Variants in LRRC15 observed in about 807,000 individuals in gnomAD.
The protein encoded by LRRC15 is leucine-rich repeat-containing protein 15.
In LRRC15, 5 loss-of-function variants were observed where a neutral mutation model predicts 4.3. The observed-to-expected ratio is 1.16, with a 90% CI of 0.61 to 2.44. The LOEUF (loss-of-function observed/expected upper bound fraction) is 2.44. Ranked by LOEUF, LRRC15 falls within the 30% of genes most tolerant of loss-of-function variation. The probability of loss-of-function intolerance (pLI) is 0.01; values close to 1 mark genes in which losing one functional copy is unlikely to be tolerated. For synonymous variants in LRRC15, 337 were observed against 323.2 expected (o/e 1.04, Z -0.46); for missense variants, 769 against 747.0 (o/e 1.03, Z -0.34).
chr3:194,359,199 T>C lies in LRRC15; in HGVS notation c.*99A>G. 1 of 1,150,452 alleles carries C rather than the reference T, an allele frequency of 8.7e-7. No homozygotes were observed. The highest frequency in any genetic ancestry group is 1.2e-6 in the Non-Finnish European group (1 of 816,612). The allele number at this position is 1,150,452 out of a possible 1,614,324, so 71.3% of individuals were successfully genotyped here. ...CTTTCTCTGGGGCCAGAAAGAGCAA[T>C]CACGGGAAAGCTCCATGGACCCAGG... On this transcript the variant is annotated 3_prime_UTR_variant, in exon 2 of 2. Coordinates refer to ENST00000347624, the MANE Select transcript of LRRC15 (RefSeq NM_130830.5).
At chr3:194,366,892 A>G (rs2108660448) in intron 1 of LRRC15, among the ~76,000 whole-genome samples, 1 of 152,260 alleles carries the variant, frequency 6.6e-6, no homozygotes, top group South Asian at 2.1e-4. Flanking sequence ...ACACCCGATC[A>G]GGGCCCCTAA....
At position 194,360,953 on chromosome 3, in the gene LRRC15, A is replaced by G; in HGVS notation, c.91T>C (p.Cys31Arg). 1 of 1,586,028 alleles carries G rather than the reference A, an allele frequency of 6.3e-7. No homozygotes were observed. Among genetic ancestry groups the G allele is most frequent in the South Asian group, 1.1e-5 (1 of 87,650 alleles). The change falls in exon 2 of 2, where the codon TGC (cysteine) becomes CGC (arginine). Residue 31 changes from cysteine (C) to arginine (R), a missense_variant. Physicochemically the swap from Cys to Arg is radical, Grantham distance 180. Transcript: ENST00000347624. ...CACTCCACCTGGGAGGCCCTGGAGC[A>G]GGTACACTCGCTAGGGCAGCCATGG... ...AYHGCPSECT[C>R]SRASQVECTG...
chr3:194,366,716 G>A (rs1249032518), intron 1 of LRRC15, among the ~76,000 whole-genome samples: 1 of 152,186 alleles, frequency 6.6e-6, no homozygotes, highest in Non-Finnish European at 1.5e-5. Flanking sequence ...CCTGGCAATA[G>A]AAGCTGCTTC....
chr3:194,360,715 T>G lies in LRRC15; in HGVS notation c.329A>C (p.Asn110Thr). Residue 110 changes from asparagine (N) to threonine (T), a missense_variant, in exon 2 of 2, where the codon AAC becomes ACC. Coordinates refer to ENST00000347624, the MANE Select transcript of LRRC15 (RefSeq NM_130830.5). Reference protein sequence around the residue: ...LGSLRYLSLANNKLQVLPIGL... With the variant: ...LGSLRYLSLATNKLQVLPIGL... ...GATGGGCAGAACCTGCAGCTTGTTG[T>G]TGGCGAGGCTGAGATAGCGCAGCGA... 1 of 1,614,184 alleles carries G rather than the reference T, an allele frequency of 6.2e-7. No homozygotes were observed. The highest frequency in any genetic ancestry group is 8.5e-7 in the Non-Finnish European group (1 of 1,180,012).
rs1237052421 is a variant in LRRC15, at chr3:194,359,283, C to T, written c.*15G>A. The T allele has an allele frequency of 1.3e-6, 2 of 1,539,176 alleles. No individual in the cohort carries two copies. The highest frequency in any genetic ancestry group is 3.9e-5 in the Admixed American group (2 of 51,068). On this transcript the variant is annotated 3_prime_UTR_variant, in exon 2 of 2. Transcript: ENST00000347624. Reference sequence around the variant, plus strand: ...CCAGTCCCATCATTCCCCAGCCCTGCTCCAGCCTGCCTCTTTAACACTCAT... The same window carrying T: ...CCAGTCCCATCATTCCCCAGCCCTGTTCCAGCCTGCCTCTTTAACACTCAT...
At chr3:194,368,847 G>A (rs2108661375) in intron 1 of LRRC15, among the ~76,000 whole-genome samples, 1 of 152,304 alleles carries the variant, frequency 6.6e-6, no homozygotes, top group African/African-American at 2.4e-5. Context: ...CTCTACGTTT[G>A]AGCAGAGACA....
intron 1 of LRRC15, among the ~76,000 whole-genome samples, chr3:194,363,717 G>A (rs1215882740): frequency 6.6e-6 from 1 of 152,170 alleles, no homozygotes; most frequent in Non-Finnish European, 1.5e-5. Context: ...ACTTCAAAAA[G>A]GCTAATGGCA....
chr3:194,355,871 T>A lies in LRRC15; in HGVS notation c.*3427A>T, dbSNP rs992387903. The A allele has an allele frequency of 1.3e-5, 2 of 152,202 alleles. No homozygotes were observed. The highest frequency in any genetic ancestry group is 2.9e-5 in the Non-Finnish European group (2 of 68,026). The allele number at this position is 152,202 out of a possible 1,614,324, so 9.4% of individuals were successfully genotyped here. ...TAAATTCTAAGGAGGAAGAACAATATACATACAGCCCAATTCCCATGAGAG... is the reference window on the plus strand; with the variant it reads ...TAAATTCTAAGGAGGAAGAACAATAAACATACAGCCCAATTCCCATGAGAG... On this transcript the variant is annotated 3_prime_UTR_variant, in exon 2 of 2. Transcript: ENST00000347624.
At chr3:194,368,794 A>G (rs1467223193) in intron 1 of LRRC15, among the ~76,000 whole-genome samples, 2 of 152,088 alleles carry the variant, frequency 1.3e-5, no homozygotes, top group African/African-American at 4.8e-5. Flanking sequence ...GAGTCCTGAA[A>G]GCTCTGGTTT....
At position 194,359,853 on chromosome 3, in the gene LRRC15, C is replaced by T; in HGVS notation, c.1191G>A (p.Gln397=). The part of the protein sequence containing the change: ...NVNGLMAIQL[Q]NNQLENLPLG... Reference sequence around the variant, plus strand: ...GGGGCAAGTTCTCCAGCTGGTTGTTCTGCAGCTGGATGGCCATGAGGCCAT... The same window carrying T: ...GGGGCAAGTTCTCCAGCTGGTTGTTTTGCAGCTGGATGGCCATGAGGCCAT... Residue 397 remains glutamine, a synonymous_variant, in exon 2 of 2, where the codon CAG becomes CAA. Transcript: ENST00000347624. The T allele has an allele frequency of 1.2e-6, 2 of 1,614,100 alleles. No individual in the cohort carries two copies. The highest frequency in any genetic ancestry group is 1.7e-6 in the Non-Finnish European group (2 of 1,180,022).
rs1207565540 is a variant in LRRC15 at position 194,360,972 on chromosome 3, GCCA to G, written c.69_71del (p.Gly24del). On this transcript the variant is annotated inframe_deletion, in exon 2 of 2. Coordinates refer to ENST00000347624, the MANE Select transcript of LRRC15 (RefSeq NM_130830.5). ...TGGAGCAGGTACACTCGCTAGGGCA[GCCA>G]TGGTAGGCCAACCCTGCACCCCAGG... The G allele has an allele frequency of 6.4e-7, 1 of 1,561,286 alleles. No individual in the cohort carries two copies. Among genetic ancestry groups the G allele is most frequent in the Non-Finnish European group, 8.6e-7 (1 of 1,158,610 alleles).
intron 1 of LRRC15, among the ~76,000 whole-genome samples, chr3:194,364,369 T>C (rs1713717864): frequency 6.6e-6 from 1 of 152,190 alleles, no homozygotes. Context: ...CTTGAATTGC[T>C]CCTGGAGACA....
At chr3:194,361,115 A>G in intron 1 of LRRC15, 69 bp from the exon 2 acceptor site, 2 of 1,332,952 alleles carry the variant, frequency 1.5e-6, no homozygotes, top group Non-Finnish European at 2.0e-6. Flanking sequence ...TTAAGCCAAC[A>G]TCAACTCCAG....
At position 194,360,024 on chromosome 3, in the gene LRRC15, T is replaced by C. The variant is rs1364844615; in HGVS notation, c.1020A>G (p.Leu340=). Residue 340 remains leucine (L), a synonymous_variant, in exon 2 of 2, where the codon CTA becomes CTG. Coordinates refer to ENST00000347624, the MANE Select transcript of LRRC15 (RefSeq NM_130830.5). ...GGAGGGACAGCTCCCGAAGCTCCGT[T>C]AGCCCGTTGAAGGCACCCGGGGAGA... ...SFISPGAFNG[L]TELRELSLHT... is the part of the protein sequence containing the mutation. 1 of 1,614,100 alleles carries C rather than the reference T, an allele frequency of 6.2e-7. No homozygotes were observed. Among genetic ancestry groups the C allele is most frequent in the Non-Finnish European group, 8.5e-7 (1 of 1,180,054 alleles).
rs1415009677 is a variant in LRRC15 at position 194,360,599 on chromosome 3, T to C, written c.445A>G (p.Ser149Gly). ...QIQPAHFSQC[S>G]NLKELQLHGN... is the part of the protein sequence containing the mutation. ...TGCAACTGCAGCTCCTTGAGGTTGCTGCACTGGGAGAAGTGGGCCGGCTGG... is the reference window on the plus strand; with the variant it reads ...TGCAACTGCAGCTCCTTGAGGTTGCCGCACTGGGAGAAGTGGGCCGGCTGG... Residue 149 changes from serine (S) to glycine (G), a missense_variant, in exon 2 of 2, where the codon AGC becomes GGC. Coordinates refer to ENST00000347624, the MANE Select transcript of LRRC15 (RefSeq NM_130830.5). 3 of 1,614,044 alleles carry C rather than the reference T, an allele frequency of 1.9e-6. No individual in the cohort carries two copies. Among genetic ancestry groups the C allele is most frequent in the South Asian group, 2.2e-5 (2 of 91,080 alleles).
rs1467405813 is a variant in LRRC15 at position 194,358,529 on chromosome 3, A to G, written c.*769T>C. ...TTAAAGGGCTAAACTTTTCAAAGCAAAGTTTGCAGTTTGGAAATATCCTTC... is the reference window on the plus strand; with the variant it reads ...TTAAAGGGCTAAACTTTTCAAAGCAGAGTTTGCAGTTTGGAAATATCCTTC... On this transcript the variant is annotated 3_prime_UTR_variant, in exon 2 of 2. Coordinates refer to ENST00000347624, the MANE Select transcript of LRRC15 (RefSeq NM_130830.5). 1 of 152,362 alleles carries G rather than the reference A, an allele frequency of 6.6e-6. No individual in the cohort carries two copies. Among genetic ancestry groups the G allele is most frequent in the Non-Finnish European group, 1.5e-5 (1 of 68,024 alleles). The allele number at this position is 152,362 out of a possible 1,614,324, so 9.4% of individuals were successfully genotyped here. A position where few individuals can be genotyped will look rare whatever the true frequency, so the allele number is the denominator to read the frequency against.
intron 1 of LRRC15, among the ~76,000 whole-genome samples, chr3:194,367,482 A>G (rs1362493954): frequency 6.6e-6 from 1 of 151,814 alleles, no homozygotes; most frequent in Non-Finnish European, 1.5e-5. Context: ...AATTTTTTGT[A>G]TTTTTAGTAG....
chr3:194,361,173 A>G (rs573727609), intron 1 of LRRC15, 127 bp from the exon 2 acceptor site: 1 of 733,470 alleles, frequency 1.4e-6, no homozygotes, highest in Non-Finnish European at 2.1e-6. Context: ...TACTGAACAC[A>G]TGCTCTCTCT....
At chr3:194,364,418 C>G (rs990883531) in intron 1 of LRRC15, among the ~76,000 whole-genome samples, 7 of 152,128 alleles carry the variant, frequency 4.6e-5, no homozygotes, top group Admixed American at 4.6e-4. Context: ...ACTCATATAC[C>G]CAGCATGCTT....
Sources: gnomAD v4.1 joint callset for allele counts (sites outside exome capture counted in the v4.1 genomes callset) on GRCh38, gnomAD v4.1.1 for gene constraint, MANE v1.5 for transcripts, NCBI Gene and HGNC (gene_info 2026-07-23, HGNC 2026-07-21) for gene names.